Variants in AAK1 observed in about 807,000 individuals in gnomAD.
The protein encoded by AAK1 is AP2-associated protein kinase 1.
Under a neutral mutation model 116.0 loss-of-function variants are expected in AAK1, and 37 were observed. The observed-to-expected ratio is 0.32, with a 90% CI of 0.25 to 0.42. The LOEUF (loss-of-function observed/expected upper bound fraction) is 0.42, where lower values mean the gene tolerates loss of function less well. Among genes scored for constraint, AAK1 ranks in the 10% least tolerant of loss-of-function variants. AAK1 has a pLI of 1.00. For missense variants in AAK1, 919 were observed against 1,170.6 expected, an observed-to-expected ratio of 0.79 and a Z score of 3.14; for synonymous variants, 458 against 439.9, an observed-to-expected ratio of 1.04 and a Z score of -0.51.
chr2:69,545,432 C>G (rs1670883416), intron 3 of AAK1, among the ~76,000 whole-genome samples: 1 of 152,110 alleles, frequency 6.6e-6, no homozygotes, highest in Non-Finnish European at 1.5e-5. Context: ...ATTTTTTAAA[C>G]TAGTTTTAAT....
chr2:69,542,673 G>T lies in AAK1; in HGVS notation c.392-8C>A. ...GGTTTACCACCTGGCCACCTGAGGG[G>T]GTACGTACAGGGCAAAGGAGACGTT... On this transcript the variant is annotated splice_region_variant and splice_polypyrimidine_tract_variant and intron_variant, in intron 4 of 21. Transcript: ENST00000409085. The T allele has an allele frequency of 6.2e-7, 1 of 1,613,194 alleles. No individual in the cohort carries two copies. The highest frequency in any genetic ancestry group is 8.5e-7 in the Non-Finnish European group (1 of 1,179,766).
At chr2:69,626,300 A>AAG (rs1674894438) in intron 2 of AAK1, among the ~76,000 whole-genome samples, 1 of 151,652 alleles carries the variant, frequency 6.6e-6, no homozygotes, top group Non-Finnish European at 1.5e-5. Context: ...GCCCTGATTC[A>AAG]GCATCCACCT....
intron 5 of AAK1, among the ~76,000 whole-genome samples, chr2:69,542,285 C>CA (rs1265623093): frequency 1.3e-5 from 2 of 152,128 alleles, no homozygotes; most frequent in African/African-American, 4.8e-5. Flanking sequence ...AAAACAAAAA[C>CA]AACACAGGCT....
chr2:69,493,149 A>G (rs1277241444), intron 17 of AAK1, among the ~76,000 whole-genome samples: 1 of 136,244 alleles, frequency 7.3e-6, no homozygotes, highest in African/African-American at 2.9e-5. Context: ...ACAGAGCGAG[A>G]CTCCGTCTCA....
intron 2 of AAK1, among the ~76,000 whole-genome samples, chr2:69,604,387 G>C (rs1399472910): frequency 3.3e-5 from 5 of 152,178 alleles, no homozygotes; most frequent in African/African-American, 1.2e-4. Context: ...TGCAGAGGCT[G>C]AGCAGCCAAG....
At chr2:69,617,813 A>T (rs1191254407) in intron 2 of AAK1, among the ~76,000 whole-genome samples, 3 of 152,224 alleles carry the variant, frequency 2.0e-5, no homozygotes, top group Non-Finnish European at 2.9e-5. Context: ...CATTTAATGG[A>T]GATGCCTCTA....
chr2:69,514,947 C>T (rs982414928), intron 12 of AAK1, among the ~76,000 whole-genome samples, 198 bp from the exon 13 acceptor site: 3 of 152,216 alleles, frequency 2.0e-5, no homozygotes, highest in Non-Finnish European at 2.9e-5. Flanking sequence ...CCTTACACTG[C>T]TAGGCTCCAT....
In AAK1 at chr2:69,472,499, G is replaced by A. The variant is rs1192418877; in HGVS notation, c.*3370C>T. On this transcript the variant is annotated 3_prime_UTR_variant, in exon 22 of 22. Coordinates refer to ENST00000409085, the MANE Select transcript of AAK1 (RefSeq NM_014911.5). ...CTTAAGTAAAACTAGATGACATTGA[G>A]GGGAACAACACTTAATTAGATGTCA... is the stretch of plus-strand genomic sequence containing the variant. 1 of 607,736 alleles carries A rather than the reference G, an allele frequency of 1.6e-6. No homozygotes were observed. Among genetic ancestry groups the A allele is most frequent in the Non-Finnish European group, 2.1e-6 (1 of 485,322 alleles). The allele number at this position is 607,736 out of a possible 1,614,324, so 37.6% of individuals were successfully genotyped here.
At chr2:69,555,650 G>C (rs1671360864) in intron 3 of AAK1, among the ~76,000 whole-genome samples, 1 of 152,092 alleles carries the variant, frequency 6.6e-6, no homozygotes, top group South Asian at 2.1e-4. Context: ...AGTTTATTAA[G>C]CATTTACTTC....
chr2:69,537,167 T>A (rs1201304368), intron 5 of AAK1, among the ~76,000 whole-genome samples: 1 of 152,352 alleles, frequency 6.6e-6, no homozygotes, highest in East Asian at 1.9e-4. Context: ...CCTTCCCAGA[T>A]CCACAACACC....
chr2:69,474,390 T>C lies in AAK1; in HGVS notation c.*1479A>G. On this transcript the variant is annotated 3_prime_UTR_variant, in exon 22 of 22. Coordinates refer to ENST00000409085, the MANE Select transcript of AAK1 (RefSeq NM_014911.5). The stretch of plus-strand genomic sequence containing the variant: ...TTTCAAAAGGGTGATTTTATAAAAG[T>C]GCTTTCCACATAAGGAAATAAAATA... The C allele has an allele frequency of 1.0e-6, 1 of 985,772 alleles. No homozygotes were observed. Among genetic ancestry groups the C allele is most frequent in the Non-Finnish European group, 1.2e-6 (1 of 829,922 alleles). The allele number at this position is 985,772 out of a possible 1,614,324, so 61.1% of individuals were successfully genotyped here. A position where few individuals can be genotyped will look rare whatever the true frequency, so the allele number is the denominator to read the frequency against.
At chr2:69,576,457 T>C (rs1336896596) in intron 2 of AAK1, among the ~76,000 whole-genome samples, 2 of 152,134 alleles carry the variant, frequency 1.3e-5, no homozygotes, top group Non-Finnish European at 2.9e-5. Context: ...TTAAGCCCAG[T>C]ACCCAATAGT....
At chr2:69,484,546 A>G (rs1675214314) in intron 17 of AAK1, among the ~76,000 whole-genome samples, 1 of 152,190 alleles carries the variant, frequency 6.6e-6, no homozygotes, top group Non-Finnish European at 1.5e-5. Context: ...TAATCCCAGC[A>G]CTTTGGGAGG....
Position 69,459,930 on chromosome 2 carries a change from G to GA in AAK1, c.*15938dup, listed in dbSNP as rs557674462. 66 of 151,984 alleles carry GA rather than the reference G, an allele frequency of 4.3e-4. No homozygotes were observed. Among genetic ancestry groups the GA allele is most frequent in the Non-Finnish European group, 6.3e-4 (43 of 67,910 alleles). 9.4% of individuals were successfully genotyped at this position (151,984 alleles called of 1,614,324 possible). ...ACAAGTATCAGCTGAGAAAGACAAA[G>GA]AAAAAACTAAGAATTTAAATTAGAT... On this transcript the variant is annotated 3_prime_UTR_variant, in exon 22 of 22. Coordinates refer to ENST00000409085, the MANE Select transcript of AAK1 (RefSeq NM_014911.5).
chr2:69,530,590 C>T, intron 7 of AAK1, 35 bp downstream of exon 7: 1 of 1,545,718 alleles, frequency 6.5e-7, no homozygotes, highest in Non-Finnish European at 8.9e-7. Flanking sequence ...AAGACTGCTG[C>T]TATCTGAGGT....
chr2:69,635,669 T>C (rs574623196), intron 2 of AAK1, among the ~76,000 whole-genome samples: 68 of 152,310 alleles, frequency 4.5e-4, no homozygotes, highest in African/African-American at 1.6e-3. Flanking sequence ...TTATGCTAAG[T>C]GAAATAAGCC....
chr2:69,563,935 T>C (rs1431696727), intron 2 of AAK1, among the ~76,000 whole-genome samples: 1 of 152,178 alleles, frequency 6.6e-6, no homozygotes, highest in African/African-American at 2.4e-5. Flanking sequence ...GGCTCACGCC[T>C]GTAATCCCAG....
chr2:69,522,841 G>A (rs1669849356), intron 10 of AAK1, among the ~76,000 whole-genome samples: 1 of 152,014 alleles, frequency 6.6e-6, no homozygotes, highest in South Asian at 2.1e-4. Flanking sequence ...AAAGCCAAGG[G>A]TGAGGGAGGT....
At chr2:69,524,461 G>A (rs1669930672) in intron 10 of AAK1, among the ~76,000 whole-genome samples, 1 of 151,754 alleles carries the variant, frequency 6.6e-6, no homozygotes, top group South Asian at 2.1e-4. Flanking sequence ...TTGAGATGGA[G>A]TCTTGCTCTG....
Sources: allele counts gnomAD v4.1 joint callset (sites outside exome capture counted in the v4.1 genomes callset), GRCh38; gene constraint gnomAD v4.1.1; transcripts MANE v1.5; gene names NCBI Gene and HGNC (gene_info 2026-07-23, HGNC 2026-07-21).